TAGAP: variants seen among roughly 807,000 people sequenced by gnomAD.
The protein encoded by TAGAP is T-cell activation Rho GTPase-activating protein.
A neutral mutation model predicts 36.0 loss-of-function variants in TAGAP; 16 were observed. That is an observed-to-expected ratio of 0.44 (90% CI 0.30 to 0.68). The LOEUF (loss-of-function observed/expected upper bound fraction) is 0.68. Ranked by LOEUF, TAGAP falls within the 30% of genes least tolerant of loss-of-function variation. The probability of loss-of-function intolerance (pLI) is 0.09; values close to 1 mark genes in which losing one functional copy is unlikely to be tolerated. For synonymous variants in TAGAP, 372 were observed against 377.4 expected (o/e 0.99, Z 0.17); for missense variants, 794 against 921.5 (o/e 0.86, Z 1.79).
Position 159,041,849 on chromosome 6 carries a change from G to A in TAGAP, c.315+229C>T. 1 of 574,520 alleles carries A rather than the reference G, an allele frequency of 1.7e-6. No individual in the cohort carries two copies. Among genetic ancestry groups the A allele is most frequent in the Non-Finnish European group, 3.0e-6 (1 of 331,420 alleles). 35.6% of individuals were successfully genotyped at this position (574,520 alleles called of 1,614,324 possible). A position where few individuals can be genotyped will look rare whatever the true frequency, so the allele number is the denominator to read the frequency against. On this transcript the variant is annotated intron_variant, in intron 5 of 9. Transcript: ENST00000367066. The surrounding 1 kb of genome is among the most constrained non-coding windows in gnomAD (Gnocchi z 4.1). ...CTCTGTGAAGTCAGAGGAATGGCGG[G>A]ACCATAGCTCTGAGCTCATTGGCAA...
Position 159,037,214 on chromosome 6 carries a change from T to C in TAGAP, c.899-90A>G. ...TATTTTTTATTTTCATTTTTTGAGA[T>C]GGAGTCTCGGTTTGTTGCCCAGGCT... On this transcript the variant is annotated intron_variant, in intron 9 of 9. Coordinates refer to ENST00000367066, the MANE Select transcript of TAGAP (RefSeq NM_054114.5). This position sits in a 1 kb window ranked among gnomAD's most constrained non-coding sequence, Gnocchi z 5.1. The C allele has an allele frequency of 1.6e-6, 2 of 1,213,466 alleles. No individual in the cohort carries two copies. The highest frequency in any genetic ancestry group is 3.3e-5 in the Admixed American group (1 of 30,504). 75.2% of individuals were successfully genotyped at this position (1,213,466 alleles called of 1,614,324 possible).
chr6:159,037,079 G>A lies in TAGAP; in HGVS notation c.944C>T (p.Pro315Leu), dbSNP rs569240044. 6.2e-7 allele frequency: 1 copy of A among 1,612,518 alleles called. No homozygotes were observed. The highest frequency in any genetic ancestry group is 1.7e-5 in the Admixed American group (1 of 60,026). The change falls in exon 10 of 10, where the codon CCT becomes CTT. Residue 315 changes from proline to leucine, a missense_variant. By Grantham distance (98) the Pro-to-Leu change is moderately conservative (BLOSUM62 -3). Transcript: ENST00000367066. This position sits in a 1 kb window ranked among gnomAD's most constrained non-coding sequence, Gnocchi z 5.1. ...QNDSAYDSND[P>L]DVESNSSSGI... ...ACTGCTGCTGTTGGATTCCACATCAGGGTCGTTGCTGTCGTAGGCTGAGTC... is the reference window on the plus strand; with the variant it reads ...ACTGCTGCTGTTGGATTCCACATCAAGGTCGTTGCTGTCGTAGGCTGAGTC...
chr6:159,042,093 G>A lies in TAGAP; in HGVS notation c.300C>T (p.Leu100=). The stretch of plus-strand genomic sequence containing the variant: ...GCACGCCTACCTGGATGGGTCTGGG[G>A]AGTGTGTCACTGTCACCGCAGATAA... The part of the protein sequence containing the change: ...LSIICGDSDT[L]PRPIQDILTI... The change falls in exon 5 of 10, where the codon CTC becomes CTT. Residue 100 remains leucine, a synonymous_variant. Coordinates refer to ENST00000367066, the MANE Select transcript of TAGAP (RefSeq NM_054114.5). 6.2e-7 allele frequency: 1 copy of A among 1,614,128 alleles called. No homozygotes were observed. The highest frequency in any genetic ancestry group is 1.3e-5 in the African/African-American group (1 of 75,038).
In TAGAP at chr6:159,036,124, G is replaced by A. The variant is rs1562583734; in HGVS notation, c.1899C>T (p.Leu633=). The A allele has an allele frequency of 1.9e-5, 31 of 1,613,672 alleles. No individual in the cohort carries two copies. The highest frequency in any genetic ancestry group is 2.6e-5 in the Non-Finnish European group (31 of 1,179,864). ...GGTGAGCAGGTGGAAGAGGGGGTAGGAGGCAGTGCGCCTCCAGCATCCTCG... is the reference window on the plus strand; with the variant it reads ...GGTGAGCAGGTGGAAGAGGGGGTAGAAGGCAGTGCGCCTCCAGCATCCTCG... ...MRARMLEAHC[L]LPPLPPAHHV... Residue 633 remains leucine (L), a synonymous_variant, in exon 10 of 10, where the codon CTC becomes CTT. Coordinates refer to ENST00000367066, the MANE Select transcript of TAGAP (RefSeq NM_054114.5). This position sits in a 1 kb window ranked among gnomAD's most constrained non-coding sequence, Gnocchi z 4.9.
rs556819174 is a variant in TAGAP, at chr6:159,034,857, G to A, written c.*970C>T. The A allele has an allele frequency of 5.3e-5, 8 of 152,222 alleles. No individual in the cohort carries two copies. In the East Asian group the frequency reaches 1.1e-3, roughly 22 times the overall value. 9.4% of individuals were successfully genotyped at this position (152,222 alleles called of 1,614,324 possible). A position where few individuals can be genotyped will look rare whatever the true frequency, so the allele number is the denominator to read the frequency against. On this transcript the variant is annotated 3_prime_UTR_variant, in exon 10 of 10. Coordinates refer to ENST00000367066, the MANE Select transcript of TAGAP (RefSeq NM_054114.5). ...CTGCTTCTTCCTAAACAAGATCCCC[G>A]GTCTTGCTATTAGTCTAGAATAGTG...
At chr6:159,038,271 T>A in intron 8 of TAGAP, 43 bp from the exon 9 acceptor site, 4 of 895,370 alleles carry the variant, frequency 4.5e-6, no homozygotes, top group South Asian at 2.0e-5. Context: ...AAGACTTTTT[T>A]TTTTTTTTTT....
rs765953874 is a variant in TAGAP at position 159,036,229 on chromosome 6, C to T, written c.1794G>A (p.Glu598=). The change falls in exon 10 of 10, where the codon GAG becomes GAA. Residue 598 remains glutamate (E), a synonymous_variant. Transcript: ENST00000367066. This position sits in a 1 kb window ranked among gnomAD's most constrained non-coding sequence, Gnocchi z 4.9. ...GTCTGGCTGCCGGGCCCTGCATGGC[C>T]TCTTCATAAGAGGGTGGGCTTCCAG... The part of the protein sequence containing the change: ...ERPGSPPSYE[E]AMQGPAARLV... The T allele has an allele frequency of 1.2e-6, 2 of 1,611,840 alleles. No individual in the cohort carries two copies. Among genetic ancestry groups the T allele is most frequent in the South Asian group, 1.1e-5 (1 of 91,064 alleles).
Position 159,041,380 on chromosome 6 carries a change from C to T in TAGAP, c.451G>A (p.Val151Met), listed in dbSNP as rs778438807. 2.5e-5 allele frequency: 40 copies of T among 1,613,898 alleles called. No individual in the cohort carries two copies. Among genetic ancestry groups the T allele is most frequent in the East Asian group, 6.7e-5 (3 of 44,892 alleles). Reference sequence around the variant, plus strand: ...TTAAAGACCACAGCGAGGAGGTGCACGGGGAGCCTCTCCAGATCCACCGCA... The same window carrying T: ...TTAAAGACCACAGCGAGGAGGTGCATGGGGAGCCTCTCCAGATCCACCGCA... ...GDAVDLERLP[V>M]HLLAVVFKDF... Residue 151 changes from valine (V) to methionine (M), a missense_variant, in exon 6 of 10, where the codon GTG (valine) becomes ATG (methionine). By Grantham distance (21) the Val-to-Met change is conservative. Coordinates refer to ENST00000367066, the MANE Select transcript of TAGAP (RefSeq NM_054114.5). The surrounding 1 kb of genome is among the most constrained non-coding windows in gnomAD (Gnocchi z 4.1).
Position 159,037,139 on chromosome 6 carries a change from G to A in TAGAP, c.899-15C>T, listed in dbSNP as rs756863512. On this transcript the variant is annotated splice_polypyrimidine_tract_variant and intron_variant, in intron 9 of 9. Coordinates refer to ENST00000367066, the MANE Select transcript of TAGAP (RefSeq NM_054114.5). This position sits in a 1 kb window ranked among gnomAD's most constrained non-coding sequence, Gnocchi z 5.1. Reference sequence around the variant, plus strand: ...GGTCGACACATCTGGGGGAAGTCAAGCAGCAGTTGAACATTTGTTTGGGTT... The same window carrying A: ...GGTCGACACATCTGGGGGAAGTCAAACAGCAGTTGAACATTTGTTTGGGTT... The A allele has an allele frequency of 6.3e-7, 1 of 1,577,210 alleles. No homozygotes were observed. The highest frequency in any genetic ancestry group is 1.2e-5 in the South Asian group (1 of 86,140).
In TAGAP at chr6:159,038,393, C is replaced by CTTT. The variant is rs34454153; in HGVS notation, c.784-168_784-166dup. Among the ~76,000 whole-genome samples the CTTT allele has an allele frequency of 2.6e-3, 355 of 137,346 alleles. 1 individual carries two copies. The highest frequency in any genetic ancestry group is 8.4e-3 in the African/African-American group (313 of 37,342). 90.1% of individuals were successfully genotyped at this position (137,346 alleles called of 152,430 possible). A position where few individuals can be genotyped will look rare whatever the true frequency, so the allele number is the denominator to read the frequency against. On this transcript the variant is annotated intron_variant, in intron 8 of 9. Transcript: ENST00000367066. ...ACAGAAATTTGGTAACAATCAGATA[C>CTTT]TTTTTTTTTTTTTTGAGACAGGCTT...
chr6:159,044,881 T>G lies in TAGAP; in HGVS notation c.-61A>C, dbSNP rs1779873560. The G allele has an allele frequency of 7.5e-6, 3 of 398,520 alleles. No individual in the cohort carries two copies. The highest frequency in any genetic ancestry group is 1.3e-5 in the Non-Finnish European group (3 of 226,018). 24.7% of individuals were successfully genotyped at this position (398,520 alleles called of 1,614,324 possible). The stretch of plus-strand genomic sequence containing the variant: ...ATGTTAATATATAGTGTACTTACCC[T>G]TGGAGGGTCTCTAGCCAGAGTTCTT... On this transcript the variant is annotated splice_region_variant and 5_prime_UTR_variant, in exon 1 of 10. Transcript: ENST00000367066.
At chr6:159,038,625 G>A (rs1779640583) in intron 8 of TAGAP, among the ~76,000 whole-genome samples, 1 of 151,998 alleles carries the variant, frequency 6.6e-6, no homozygotes, top group Admixed American at 6.6e-5. Flanking sequence ...CCTGAGCTCA[G>A]GCAATTCGCC....
chr6:159,040,669 T>A (rs1779715660), intron 7 of TAGAP, 54 bp downstream of exon 7: 1 of 1,384,338 alleles, frequency 7.2e-7, no homozygotes, highest in African/African-American at 1.4e-5. Context: ...GTGTAAAGAA[T>A]CAAAAGACGG....
chr6:159,037,485 G>T lies in TAGAP; in HGVS notation c.899-361C>A, dbSNP rs908534795. ...ATTATAGGCGTGAGCCACCACACAC[G>T]GCCATTTAGGTTCTTTTAGAAATGA... On this transcript the variant is annotated intron_variant, in intron 9 of 9. Coordinates refer to ENST00000367066, the MANE Select transcript of TAGAP (RefSeq NM_054114.5). The surrounding 1 kb of genome is among the most constrained non-coding windows in gnomAD (Gnocchi z 5.1). 6.6e-6 allele frequency among the ~76,000 whole-genome samples: 1 copy of T among 152,140 alleles called. No homozygotes were observed. The highest frequency in any genetic ancestry group is 1.9e-4 in the East Asian group (1 of 5,200).
intron 4 of TAGAP, among the ~76,000 whole-genome samples, 189 bp downstream of exon 4, chr6:159,043,400 C>A (rs1779823549): frequency 6.6e-6 from 1 of 152,224 alleles, no homozygotes; most frequent in South Asian, 2.1e-4. Context: ...GAGGCTCTTT[C>A]CTTTCCCAGC....
intron 7 of TAGAP, among the ~76,000 whole-genome samples, chr6:159,039,687 C>G (rs1010201018): frequency 6.6e-6 from 1 of 152,186 alleles, no homozygotes; most frequent in Non-Finnish European, 1.5e-5. Context: ...TCTAACACGA[C>G]TAGACTGGTT....
intron 4 of TAGAP, chr6:159,042,528 T>C (rs1779793326): frequency 2.4e-6 from 1 of 409,702 alleles, no homozygotes; most frequent in Non-Finnish European, 4.1e-6. Context: ...TCCAGCTGTT[T>C]GCTACAGAAA....
chr6:159,041,447 C>T lies in TAGAP; in HGVS notation c.384G>A (p.Glu128=). The T allele has an allele frequency of 6.2e-7, 1 of 1,614,200 alleles. No individual in the cohort carries two copies. Among genetic ancestry groups the T allele is most frequent in the Non-Finnish European group, 8.5e-7 (1 of 1,180,036 alleles). ...TEGIFRRAAN[E]KARKELKEEL... is the part of the protein sequence containing the mutation. ...CCTCCTTCAGCTCCTTACGGGCTTT[C>T]TCGTTGGCTGCTCTCCTGAATATCC... Residue 128 remains glutamate, a synonymous_variant, in exon 6 of 10, where the codon GAG becomes GAA. Transcript: ENST00000367066. The surrounding 1 kb of genome is among the most constrained non-coding windows in gnomAD (Gnocchi z 4.1).
rs1397076739 is a variant in TAGAP, at chr6:159,034,697, A to G, written c.*1130T>C. On this transcript the variant is annotated 3_prime_UTR_variant, in exon 10 of 10. Transcript: ENST00000367066. ...TACTGGAAAGTTTAATTCACTAGAA[A>G]TGAGAAATTTTACATTTGTTATATT... The G allele has an allele frequency of 1.3e-5, 2 of 152,222 alleles. No individual in the cohort carries two copies. Among genetic ancestry groups the G allele is most frequent in the Non-Finnish European group, 2.9e-5 (2 of 68,042 alleles). 9.4% of individuals were successfully genotyped at this position (152,222 alleles called of 1,614,324 possible).
Sources: gnomAD v4.1 joint callset for allele counts (sites outside exome capture counted in the v4.1 genomes callset) on GRCh38, gnomAD v4.1.1 for gene constraint, Gnocchi (gnomAD v3.1) non-coding constraint, MANE v1.5 for transcripts, NCBI Gene and HGNC (gene_info 2026-07-23, HGNC 2026-07-21) for gene names.